Variants in RUSC2 observed in about 807,000 individuals in gnomAD.
RUSC2 encodes AP-4 complex accessory subunit RUSC2.
Under a neutral mutation model 122.2 loss-of-function variants are expected in RUSC2, and 34 were observed. The ratio of observed to expected loss-of-function variants is 0.28; its 90% CI spans 0.21 to 0.37. The LOEUF is 0.37. Among genes scored for constraint, RUSC2 ranks in the 10% least tolerant of loss-of-function variants. The pLI, the probability that RUSC2 is intolerant of heterozygous loss-of-function variation, is 1.00. For missense variants in RUSC2, 1,747 were observed against 1,952.4 expected (o/e 0.89, Z 1.98); for synonymous variants, 784 against 790.0 (o/e 0.99, Z 0.13).
intron 1 of RUSC2, among the ~76,000 whole-genome samples, chr9:35,539,580 C>CACATAGCT (rs1821602727): frequency 2.2e-5 from 1 of 45,668 alleles, no homozygotes; most frequent in Non-Finnish European, 6.2e-5. Flanking sequence ...TACATGCATG[C>CACATAGCT]ATGCATGCAC....
Position 35,548,156 on chromosome 9 carries a change from C to T in RUSC2, c.1635C>T (p.Ala545=), listed in dbSNP as rs142832365. The T allele has an allele frequency of 1.3e-4, 211 of 1,613,304 alleles. No individual in the cohort carries two copies. In the African/African-American group the frequency reaches 2.3e-3, roughly 18 times the overall value. ...GSPPRRVTSF[A]ELAKGRKKTG... ...CACCCAGGAGGGTCACCTCCTTTGCCGAGCTGGCCAAGGGCCGGAAGAAAA... is the reference window on the plus strand; with the variant it reads ...CACCCAGGAGGGTCACCTCCTTTGCTGAGCTGGCCAAGGGCCGGAAGAAAA... The change falls in exon 2 of 12, where the codon GCC becomes GCT. Residue 545 remains alanine (A), a synonymous_variant. Transcript: ENST00000361226. The surrounding 1 kb of genome is among the most constrained non-coding windows in gnomAD (Gnocchi z 4.5).
chr9:35,517,311 AGGG>A (rs1407656353), intron 1 of RUSC2, among the ~76,000 whole-genome samples: 1 of 152,234 alleles, frequency 6.6e-6, no homozygotes, highest in Non-Finnish European at 1.5e-5. Context: ...CCCAATACTC[AGGG>A]ATCGCTGGGC....
chr9:35,557,986 T>C lies in RUSC2; in HGVS notation c.3056T>C (p.Val1019Ala). ...AHFGTSRDPG[V>A]KAKLGNSSVS... ...TTTGGCACAAGCCGGGATCCCGGGG[T>C]GAAGGTAGGCAAGGAAATGTGGAGA... Residue 1019 changes from valine (V) to alanine (A), a missense_variant, in exon 6 of 12, where the codon GTG (valine) becomes GCG (alanine). Coordinates refer to ENST00000361226, the MANE Select transcript of RUSC2 (RefSeq NM_014806.5). This position sits in a 1 kb window ranked among gnomAD's most constrained non-coding sequence, Gnocchi z 4.6. 6.2e-7 allele frequency: 1 copy of C among 1,613,808 alleles called. No individual in the cohort carries two copies. The highest frequency in any genetic ancestry group is 8.5e-7 in the Non-Finnish European group (1 of 1,179,894).
chr9:35,561,633 C>G lies in RUSC2; in HGVS notation c.*251C>G. 1.8e-6 allele frequency: 1 copy of G among 563,720 alleles called. No homozygotes were observed. The highest frequency in any genetic ancestry group is 3.1e-6 in the Non-Finnish European group (1 of 320,532). The allele number at this position is 563,720 out of a possible 1,614,324, so 34.9% of individuals were successfully genotyped here. On this transcript the variant is annotated 3_prime_UTR_variant, in exon 12 of 12. Transcript: ENST00000361226. ...GGCTGCCAGGATTCCCCTGGCCCGT[C>G]TGGGCCAACCCTTCCATGGGTGAAG...
chr9:35,542,024 A>C (rs950689993), intron 1 of RUSC2, among the ~76,000 whole-genome samples: 2 of 152,110 alleles, frequency 1.3e-5, no homozygotes, highest in African/African-American at 2.4e-5. Context: ...AAGGATCAGT[A>C]AGATATGCAT....
intron 1 of RUSC2, among the ~76,000 whole-genome samples, chr9:35,493,760 C>T (rs533801636): frequency 4.6e-5 from 7 of 152,280 alleles, no homozygotes; most frequent in African/African-American, 1.7e-4. Context: ...GCCTCAGCCT[C>T]CCAAAGTGCT....
At chr9:35,533,115 C>T (rs565174444) in intron 1 of RUSC2, among the ~76,000 whole-genome samples, 8 of 151,920 alleles carry the variant, frequency 5.3e-5, no homozygotes, top group Non-Finnish European at 1.0e-4. Flanking sequence ...AGCATAGTGG[C>T]GCATGCCTGT....
intron 1 of RUSC2, among the ~76,000 whole-genome samples, chr9:35,510,962 T>C (rs1821001544): frequency 1.3e-5 from 2 of 152,196 alleles, no homozygotes; most frequent in Middle Eastern, 3.4e-3. Context: ...GAGTTACTAC[T>C]TTTTCTGCTG....
chr9:35,506,272 T>G (rs1820914632), intron 1 of RUSC2, among the ~76,000 whole-genome samples: 1 of 152,310 alleles, frequency 6.6e-6, no homozygotes, highest in East Asian at 1.9e-4. Flanking sequence ...AAAGGTGAAT[T>G]TTATACTATC....
intron 1 of RUSC2, among the ~76,000 whole-genome samples, chr9:35,493,865 T>A (rs548076399): frequency 1.3e-5 from 2 of 152,300 alleles, no homozygotes; most frequent in African/African-American, 4.8e-5. Context: ...ATATTCTGTT[T>A]ATTCATCTTT....
intron 1 of RUSC2, among the ~76,000 whole-genome samples, chr9:35,523,830 A>T (rs12006535): frequency 0.034 from 5,157 of 151,952 alleles, 96 homozygotes; most frequent in Non-Finnish European, 0.044. Flanking sequence ...ATTAAAAAAA[A>T]AAAATAAAAA....
rs183029479 is a variant in RUSC2, at chr9:35,501,761, A to T, written c.-93+11589A>T. 7.9e-4 allele frequency among the ~76,000 whole-genome samples: 121 copies of T among 152,308 alleles called. 3 individuals carry two copies. The East Asian group carries it at 0.022, about 28-fold the overall frequency. On this transcript the variant is annotated intron_variant, in intron 1 of 11. Coordinates refer to ENST00000361226, the MANE Select transcript of RUSC2 (RefSeq NM_014806.5). The stretch of plus-strand genomic sequence containing the variant: ...TGTGCTGCATACATACAGTCTCCAA[A>T]TTCCTATGTGAAATCCTTAGCCTTA...
chr9:35,524,690 G>C (rs1049528252), intron 1 of RUSC2, among the ~76,000 whole-genome samples: 11 of 152,110 alleles, frequency 7.2e-5, no homozygotes, highest in Non-Finnish European at 1.6e-4. Context: ...GGTGATCCCA[G>C]GCCGGGTGCA....
intron 1 of RUSC2, among the ~76,000 whole-genome samples, chr9:35,537,395 A>G (rs1020997851): frequency 6.6e-6 from 1 of 152,192 alleles, no homozygotes; most frequent in Non-Finnish European, 1.5e-5. Flanking sequence ...GCATAGTGAC[A>G]CCATTTCCTC....
chr9:35,556,309 C>T lies in RUSC2; in HGVS notation c.2844C>T (p.Gly948=), dbSNP rs200035921. Residue 948 remains glycine (G), a splice_region_variant and synonymous_variant, in exon 5 of 12, where the codon GGC becomes GGT. Coordinates refer to ENST00000361226, the MANE Select transcript of RUSC2 (RefSeq NM_014806.5). ...AASHLNCRLN[G]QAVKPLPLTC... is the part of the protein sequence containing the mutation. Reference sequence around the variant, plus strand: ...GATTGATTTTTCTCTTCTTTCCAGGCCAAGCAGTGAAGCCGTTACCACTGA... The same window carrying T: ...GATTGATTTTTCTCTTCTTTCCAGGTCAAGCAGTGAAGCCGTTACCACTGA... 1.4e-4 allele frequency: 229 copies of T among 1,613,932 alleles called. 4 individuals are homozygous for T. In the South Asian group the frequency reaches 1.7e-3, roughly 12 times the overall value.
chr9:35,532,625 A>C (rs1564256093), intron 1 of RUSC2, among the ~76,000 whole-genome samples: 1 of 152,050 alleles, frequency 6.6e-6, no homozygotes, highest in Non-Finnish European at 1.5e-5. Flanking sequence ...ATGCACCTGT[A>C]ATCCCAGCTA....
chr9:35,518,176 A>G (rs1378260083), intron 1 of RUSC2, among the ~76,000 whole-genome samples: 1 of 152,222 alleles, frequency 6.6e-6, no homozygotes, highest in Non-Finnish European at 1.5e-5. Flanking sequence ...ATGACAGGGA[A>G]AAAATGTATT....
chr9:35,530,010 G>A (rs1394435788), intron 1 of RUSC2, among the ~76,000 whole-genome samples: 1 of 152,058 alleles, frequency 6.6e-6, no homozygotes, highest in Non-Finnish European at 1.5e-5. Flanking sequence ...TGAGGGCAGT[G>A]GCACAATCTC....
chr9:35,500,643 T>C (rs1820804764), intron 1 of RUSC2, among the ~76,000 whole-genome samples: 1 of 152,224 alleles, frequency 6.6e-6, no homozygotes, highest in Non-Finnish European at 1.5e-5. Flanking sequence ...AGGTGGCTAC[T>C]TTGTTTTTTA....
Sources: gnomAD v4.1 joint callset for allele counts (sites outside exome capture counted in the v4.1 genomes callset) on GRCh38, gnomAD v4.1.1 for gene constraint, Gnocchi (gnomAD v3.1) non-coding constraint, MANE v1.5 for transcripts, NCBI Gene and HGNC (gene_info 2026-07-23, HGNC 2026-07-21) for gene names.